Variants in NRG1 observed in about 807,000 individuals in gnomAD.
NRG1 encodes the protein pro-neuregulin-1, membrane-bound isoform.
A neutral mutation model predicts 63.8 loss-of-function variants in NRG1; 18 were observed. That is an observed-to-expected ratio of 0.28 (90% CI 0.19 to 0.42). NRG1 has a LOEUF of 0.42. Among genes scored for constraint, NRG1 ranks in the 10% least tolerant of loss-of-function variants. The pLI, the probability that NRG1 is intolerant of heterozygous loss-of-function variation, is 1.00. For synonymous variants in NRG1, 302 were observed against 301.3 expected, an observed-to-expected ratio of 1.00 and a Z score of -0.02; for missense variants, 762 against 814.7, an observed-to-expected ratio of 0.94 and a Z score of 0.79.
intron 1 of NRG1, among the ~76,000 whole-genome samples, chr8:32,119,534 A>G (rs1247761840): frequency 6.6e-6 from 1 of 152,090 alleles, no homozygotes; most frequent in Admixed American, 6.6e-5. Context: ...TCTTGGGCTC[A>G]TGTTTAAACT....
At chr8:32,323,483 C>G (rs1409603555) in intron 1 of NRG1, among the ~76,000 whole-genome samples, 1 of 152,208 alleles carries the variant, frequency 6.6e-6, no homozygotes, top group African/African-American at 2.4e-5. Context: ...AGAGACAGGG[C>G]TCACCCGCCC....
chr8:32,609,967 G>A (rs558772321), intron 3 of NRG1, among the ~76,000 whole-genome samples: 5 of 150,956 alleles, frequency 3.3e-5, no homozygotes, highest in East Asian at 2.0e-4. Flanking sequence ...CATCACACCC[G>A]GTCAAGAATT....
chr8:31,647,480 C>T (rs1250189703), intron 1 of NRG1, among the ~76,000 whole-genome samples: 2 of 152,208 alleles, frequency 1.3e-5, no homozygotes, highest in South Asian at 2.1e-4. Context: ...GCATTTTCCT[C>T]CACTGCAGGG....
intron 5 of NRG1, among the ~76,000 whole-genome samples, chr8:32,687,750 A>C (rs1733481539): frequency 6.6e-6 from 1 of 152,234 alleles, no homozygotes; most frequent in Admixed American, 6.5e-5. Context: ...ACTGTAGTCA[A>C]CCTGCAGCTC....
At chr8:31,969,679 T>C (rs1806958639) in intron 1 of NRG1, among the ~76,000 whole-genome samples, 1 of 152,140 alleles carries the variant, frequency 6.6e-6, no homozygotes, top group Admixed American at 6.5e-5. Context: ...CATTCTCTGG[T>C]TTTTCTCTCC....
intron 1 of NRG1, among the ~76,000 whole-genome samples, chr8:32,390,602 T>TAAAAAAAAA (rs66980062): frequency 1.4e-4 from 18 of 130,642 alleles, no homozygotes; most frequent in South Asian, 2.5e-4. Flanking sequence ...GACCCTGTCT[T>TAAAAAAAAA]AAAAAAAAAA....
At chr8:32,758,707 GACA>G (rs1830130357) in intron 9 of NRG1, among the ~76,000 whole-genome samples, 1 of 151,518 alleles carries the variant, frequency 6.6e-6, no homozygotes, top group African/African-American at 2.4e-5. Flanking sequence ...TGTGTGCATT[GACA>G]ACAATTGTTA....
chr8:32,394,528 G>T (rs1729769469), intron 1 of NRG1, among the ~76,000 whole-genome samples: 1 of 152,134 alleles, frequency 6.6e-6, no homozygotes, highest in African/African-American at 2.4e-5. Context: ...TCAATCTGGG[G>T]CTGGTGGAAA....
intron 1 of NRG1, among the ~76,000 whole-genome samples, chr8:32,092,411 A>G (rs1421434201): frequency 1.4e-5 from 2 of 147,616 alleles, no homozygotes; most frequent in Non-Finnish European, 3.0e-5. Flanking sequence ...AAACTAAGCT[A>G]TGATCATGAC....
At chr8:32,008,494 A>G (rs957281666) in intron 1 of NRG1, among the ~76,000 whole-genome samples, 2 of 152,112 alleles carry the variant, frequency 1.3e-5, no homozygotes, top group African/African-American at 4.8e-5. Context: ...TCGGTTTCTC[A>G]GAATGAATAT....
chr8:32,372,375 C>T (rs1238859245), intron 1 of NRG1, among the ~76,000 whole-genome samples: 1 of 151,994 alleles, frequency 6.6e-6, no homozygotes, highest in Non-Finnish European at 1.5e-5. Context: ...AACAAGTTCT[C>T]TGCCCTTCGT....
chr8:31,804,493 C>G (rs983760799), intron 1 of NRG1, among the ~76,000 whole-genome samples: 1 of 152,128 alleles, frequency 6.6e-6, no homozygotes, highest in African/African-American at 2.4e-5. Context: ...CAGGACCCCT[C>G]TTTTTATGGG....
intron 1 of NRG1, among the ~76,000 whole-genome samples, chr8:32,371,991 C>CTT (rs1289943893): frequency 3.1e-5 from 2 of 64,102 alleles, no homozygotes; most frequent in African/African-American, 1.1e-4. Flanking sequence ...TCTTCTTCTT[C>CTT]ATTTTTTTTT....
intron 1 of NRG1, among the ~76,000 whole-genome samples, chr8:31,970,975 C>T (rs954570753): frequency 4.6e-5 from 7 of 151,516 alleles, no homozygotes; most frequent in Admixed American, 4.6e-4. Flanking sequence ...ACCCGGGAGG[C>T]GGAGCTTGCA....
chr8:31,880,927 C>T (rs1323636152), intron 1 of NRG1, among the ~76,000 whole-genome samples: 4 of 152,060 alleles, frequency 2.6e-5, no homozygotes. Flanking sequence ...ATGCATTTGT[C>T]TATCTTGGAT....
rs187092228 is a variant in NRG1, at chr8:32,413,231, C to T, written c.38-182597C>T. 2.2e-4 allele frequency among the ~76,000 whole-genome samples: 33 copies of T among 152,190 alleles called. No homozygotes were observed. The East Asian group carries it at 5.2e-3, about 24-fold the overall frequency. On this transcript the variant is annotated intron_variant, in intron 1 of 10. Coordinates refer to the NRG1 transcript ENST00000519301. ...AACTTAAATGCTAAACAATAATAGG[C>T]GATTGGTTAAATGTTCTATGATGTA...
At chr8:32,315,146 C>T (rs1025203668) in intron 1 of NRG1, among the ~76,000 whole-genome samples, 1 of 152,096 alleles carries the variant, frequency 6.6e-6, no homozygotes. Flanking sequence ...CATAGGTAAA[C>T]GTGTGCCATG....
chr8:32,051,526 A>G (rs1256314649), intron 1 of NRG1, among the ~76,000 whole-genome samples: 1 of 152,224 alleles, frequency 6.6e-6, no homozygotes, highest in African/African-American at 2.4e-5. Flanking sequence ...AAGGAGGGAC[A>G]TCTAACTCCA....
chr8:32,518,543 C>T (rs181367073), intron 1 of NRG1, among the ~76,000 whole-genome samples: 31 of 152,128 alleles, frequency 2.0e-4, no homozygotes, highest in African/African-American at 4.1e-4. Flanking sequence ...CAAAGAGTGA[C>T]GACATGTGAA....
Sources: allele counts gnomAD v4.1 joint callset (sites outside exome capture counted in the v4.1 genomes callset), GRCh38; gene constraint gnomAD v4.1.1; transcripts MANE v1.5; gene names NCBI Gene and HGNC (gene_info 2026-07-23, HGNC 2026-07-21).